The following RGS7 variants were observed in gnomAD, a reference collection of about 807,000 sequenced individuals.
The protein encoded by RGS7 is regulator of G-protein signaling 7.
In RGS7, 27 loss-of-function variants were observed where a neutral mutation model predicts 81.1. That is an observed-to-expected ratio of 0.33 (90% CI 0.25 to 0.46). The LOEUF (loss-of-function observed/expected upper bound fraction) is 0.46, where lower values mean the gene tolerates loss of function less well. Ranked by LOEUF, RGS7 falls within the 20% of genes least tolerant of loss-of-function variation. RGS7 has a pLI of 1.00. For synonymous variants in RGS7, 208 were observed against 207.7 expected (o/e 1.00, Z -0.01); for missense variants, 396 against 607.4 (o/e 0.65, Z 3.66).
At chr1:240,822,175 G>C (rs989769884) in intron 10 of RGS7, among the ~76,000 whole-genome samples, 1 of 152,186 alleles carries the variant, frequency 6.6e-6, no homozygotes, top group African/African-American at 2.4e-5. Flanking sequence ...ATAGAACAAA[G>C]GCTGACCTCC....
chr1:241,243,178 C>T (rs960699870), intron 2 of RGS7, among the ~76,000 whole-genome samples: 1 of 152,192 alleles, frequency 6.6e-6, no homozygotes, highest in African/African-American at 2.4e-5. Flanking sequence ...GTCACCTGAA[C>T]TATCTTGAAC....
chr1:241,014,546 A>G (rs2059126602), intron 3 of RGS7, among the ~76,000 whole-genome samples: 1 of 152,206 alleles, frequency 6.6e-6, no homozygotes, highest in African/African-American at 2.4e-5. Flanking sequence ...CTCTCCAGTC[A>G]TTTCGACTGT....
At chr1:241,069,138 G>A (rs908152202) in intron 3 of RGS7, among the ~76,000 whole-genome samples, 4 of 152,128 alleles carry the variant, frequency 2.6e-5, no homozygotes, top group Non-Finnish European at 2.9e-5. Context: ...TCAGTCTCAG[G>A]TATTTCTTTA....
intron 2 of RGS7, among the ~76,000 whole-genome samples, chr1:241,244,835 T>C (rs1179299158): frequency 6.6e-6 from 1 of 151,846 alleles, no homozygotes; most frequent in Non-Finnish European, 1.5e-5. Context: ...AAACCATTAT[T>C]CTCAGCAAAC....
chr1:241,098,241 C>A (rs776232837), intron 3 of RGS7, among the ~76,000 whole-genome samples: 1 of 152,182 alleles, frequency 6.6e-6, no homozygotes, highest in Non-Finnish European at 1.5e-5. Context: ...GTGGTGACAG[C>A]GGTCTTGAGC....
chr1:241,343,872 A>C (rs2082721637), intron 2 of RGS7, among the ~76,000 whole-genome samples: 1 of 152,212 alleles, frequency 6.6e-6, no homozygotes, highest in Non-Finnish European at 1.5e-5. Flanking sequence ...TTTTTACCAC[A>C]ATAGAAAAAC....
chr1:240,835,559 C>T (rs1422225485), intron 9 of RGS7, among the ~76,000 whole-genome samples: 2 of 152,156 alleles, frequency 1.3e-5, no homozygotes, highest in Non-Finnish European at 1.5e-5. Flanking sequence ...TCTAACCATT[C>T]GATCCAGCAA....
intron 2 of RGS7, among the ~76,000 whole-genome samples, chr1:241,130,470 C>T (rs1163827088): frequency 3.9e-5 from 6 of 151,954 alleles, no homozygotes; most frequent in Non-Finnish European, 8.8e-5. Context: ...AATGAATTTG[C>T]TATTCTGCTT....
At chr1:241,253,744 C>T (rs2076934395) in intron 2 of RGS7, among the ~76,000 whole-genome samples, 1 of 152,168 alleles carries the variant, frequency 6.6e-6, no homozygotes, top group South Asian at 2.1e-4. Context: ...CCCAGGGTTT[C>T]TGATTTACAG....
chr1:241,073,845 C>T (rs2062629474), intron 3 of RGS7, among the ~76,000 whole-genome samples: 2 of 151,888 alleles, frequency 1.3e-5, no homozygotes, highest in Middle Eastern at 3.4e-3. Flanking sequence ...AAGTTTATGC[C>T]GTACCTTAGC....
At chr1:240,843,647 T>C (rs980406507) in intron 9 of RGS7, among the ~76,000 whole-genome samples, 1 of 152,186 alleles carries the variant, frequency 6.6e-6, no homozygotes, top group South Asian at 2.1e-4. Flanking sequence ...TGTGAGGAGG[T>C]ATATGCAATT....
intron 2 of RGS7, among the ~76,000 whole-genome samples, chr1:241,208,024 GC>G (rs2074022135): frequency 6.6e-6 from 1 of 152,068 alleles, no homozygotes; most frequent in African/African-American, 2.4e-5. Context: ...TCCTTCCTCA[GC>G]CTCCTGAATA....
intron 2 of RGS7, among the ~76,000 whole-genome samples, chr1:241,217,793 C>T (rs532557491): frequency 1.3e-5 from 2 of 152,186 alleles, no homozygotes; most frequent in Non-Finnish European, 2.9e-5. Flanking sequence ...CAGATCAGGC[C>T]ATTCAAGAGC....
intron 9 of RGS7, among the ~76,000 whole-genome samples, chr1:240,839,003 G>A (rs149199476): frequency 6.6e-6 from 1 of 152,292 alleles, no homozygotes; most frequent in Non-Finnish European, 1.5e-5. Context: ...CTGACCTCGT[G>A]ATCCGCCTGC....
chr1:240,888,345 G>A (rs1433101873), intron 6 of RGS7, among the ~76,000 whole-genome samples: 2 of 152,180 alleles, frequency 1.3e-5, no homozygotes, highest in Non-Finnish European at 2.9e-5. Flanking sequence ...AATTGCATGA[G>A]GTGCTGAACT....
At chr1:240,900,333 G>A (rs1669779247) in intron 6 of RGS7, among the ~76,000 whole-genome samples, 1 of 152,174 alleles carries the variant, frequency 6.6e-6, no homozygotes, top group African/African-American at 2.4e-5. Flanking sequence ...TCCGTTGCTG[G>A]CGAGGAGCTG....
At chr1:240,961,613 A>G (rs1681450969) in intron 4 of RGS7, among the ~76,000 whole-genome samples, 1 of 152,176 alleles carries the variant, frequency 6.6e-6, no homozygotes, top group African/African-American at 2.4e-5. Flanking sequence ...CTAACTTTAA[A>G]TTTCTAACAA....
intron 2 of RGS7, among the ~76,000 whole-genome samples, chr1:241,279,770 T>C (rs1468913631): frequency 1.3e-5 from 2 of 152,222 alleles, no homozygotes; most frequent in Non-Finnish European, 2.9e-5. Context: ...GTTTCTATAA[T>C]TTTGAAATTT....
chr1:240,880,873 T>G (rs1462645326), intron 6 of RGS7, among the ~76,000 whole-genome samples: 1 of 152,222 alleles, frequency 6.6e-6, no homozygotes, highest in Non-Finnish European at 1.5e-5. Flanking sequence ...CACTCTGTGC[T>G]AATAATTCCT....
Sources: allele counts gnomAD v4.1 joint callset (sites outside exome capture counted in the v4.1 genomes callset), GRCh38; gene constraint gnomAD v4.1.1; transcripts MANE v1.5; gene names NCBI Gene and HGNC (gene_info 2026-07-23, HGNC 2026-07-21).